The following WHRN variants were observed in gnomAD, a reference collection of about 807,000 sequenced individuals.
WHRN encodes CASK-interacting protein CIP98.
In WHRN, 41 loss-of-function variants were observed where a neutral mutation model predicts 68.3. The ratio of observed to expected loss-of-function variants is 0.60; its 90% CI spans 0.47 to 0.78. The LOEUF is 0.78. Among genes scored for constraint, WHRN ranks in the 30% least tolerant of loss-of-function variants. The pLI is 0.00. For synonymous variants in WHRN, 560 were observed against 561.3 expected (o/e 1.00, Z 0.03); for missense variants, 1,243 against 1,244.7 (o/e 1.00, Z 0.02).
chr9:114,487,038 T>TA (rs1842604765), intron 1 of WHRN, among the ~76,000 whole-genome samples: 1 of 73,946 alleles, frequency 1.4e-5, no homozygotes, highest in Non-Finnish European at 2.9e-5. Flanking sequence ...ACCTGGAACC[T>TA]AGGTAAGAGA....
At chr9:114,440,061 C>T (rs1192333968) in intron 3 of WHRN, among the ~76,000 whole-genome samples, 1 of 152,146 alleles carries the variant, frequency 6.6e-6, no homozygotes, top group African/African-American at 2.4e-5. Context: ...TACAGGCATG[C>T]GCCAACATGC....
At position 114,402,858 on chromosome 9, in the gene WHRN, C is replaced by A. The variant is rs142732176; in HGVS notation, c.2620G>T (p.Gly874Cys). The change falls in exon 12 of 12, where the codon GGC becomes TGC. Residue 874 changes from glycine (G) to cysteine (C), a missense_variant. Gly to Cys is a radical substitution (Grantham distance 159). Transcript: ENST00000362057. ...ILEVNGLTLR[G>C]KEHREAARII... ...CGGGCGGCCTCCCGGTGCTCCTTGC[C>A]CCGAAGCGTCAGCCCATTCACTTCC... 8 of 1,613,938 alleles carry A rather than the reference C, an allele frequency of 5.0e-6. No individual in the cohort carries two copies. In the African/African-American group the frequency reaches 1.1e-4, roughly 22 times the overall value.
chr9:114,492,539 G>C (rs1371514685), intron 1 of WHRN, among the ~76,000 whole-genome samples: 1 of 152,190 alleles, frequency 6.6e-6, no homozygotes, highest in Non-Finnish European at 1.5e-5. Context: ...CAGAATGGCA[G>C]CTTTGGGAAG....
chr9:114,477,831 T>C (rs927268029), intron 2 of WHRN, among the ~76,000 whole-genome samples: 3 of 152,214 alleles, frequency 2.0e-5, no homozygotes, highest in Non-Finnish European at 4.4e-5. Context: ...AGATTCCCTG[T>C]GGAGCAGCAA....
chr9:114,503,220 G>A (rs1472844490), intron 1 of WHRN: 2 of 985,120 alleles, frequency 2.0e-6, no homozygotes, highest in African/African-American at 3.5e-5. Flanking sequence ...ACCTGCGCTG[G>A]CGGGGAGTGG....
chr9:114,498,336 G>A (rs537723241), intron 1 of WHRN, among the ~76,000 whole-genome samples: 1 of 152,312 alleles, frequency 6.6e-6, no homozygotes, highest in African/African-American at 2.4e-5. Context: ...GGATAGAGGA[G>A]TGGGCAGGTA....
At chr9:114,412,345 C>T (rs572702356) in intron 7 of WHRN, among the ~76,000 whole-genome samples, 1 of 152,280 alleles carries the variant, frequency 6.6e-6, no homozygotes, top group African/African-American at 2.4e-5. Flanking sequence ...TCACTTTCAC[C>T]ACCACCCACA....
chr9:114,447,532 T>C (rs902214387), intron 3 of WHRN, among the ~76,000 whole-genome samples: 1 of 152,222 alleles, frequency 6.6e-6, no homozygotes, highest in Admixed American at 6.5e-5. Context: ...TCTGACTTTA[T>C]TACAGTTTGC....
chr9:114,436,456 G>A (rs766358871), intron 3 of WHRN, among the ~76,000 whole-genome samples: 5 of 152,136 alleles, frequency 3.3e-5, no homozygotes, highest in South Asian at 2.1e-4. Context: ...TGTTGGGGAC[G>A]GGTTGGGGCA....
At chr9:114,424,264 G>A (rs1386041937) in intron 6 of WHRN, 70 bp downstream of exon 6, 8 of 1,562,952 alleles carry the variant, frequency 5.1e-6, no homozygotes, top group Non-Finnish European at 7.0e-6. Flanking sequence ...CTCAGCAAAG[G>A]AGCGGGGGCA....
intron 1 of WHRN, among the ~76,000 whole-genome samples, chr9:114,485,615 C>T (rs149811575): frequency 0.011 from 1,698 of 152,208 alleles, 84 homozygotes; most frequent in Admixed American, 0.083. Context: ...TTGCTTGACC[C>T]CAGGAGGCGG....
intron 2 of WHRN, among the ~76,000 whole-genome samples, chr9:114,472,899 G>A (rs1197667031): frequency 2.0e-5 from 3 of 152,176 alleles, no homozygotes; most frequent in African/African-American, 7.2e-5. Flanking sequence ...AATCATGGAT[G>A]CGGAAGCTTA....
chr9:114,426,525 T>C (rs948748367), intron 3 of WHRN, 112 bp from the exon 4 acceptor site: 53 of 1,280,222 alleles, frequency 4.1e-5, no homozygotes, highest in Non-Finnish European at 2.7e-5. Context: ...AAGGAGGTCA[T>C]CCAGGATCAG....
chr9:114,470,534 G>A (rs1413329233), intron 2 of WHRN, among the ~76,000 whole-genome samples: 1 of 152,162 alleles, frequency 6.6e-6, no homozygotes, highest in Non-Finnish European at 1.5e-5. Context: ...TCCTGGAAAC[G>A]GGAAGCAGGA....
Position 114,503,329 on chromosome 9 carries a change from G to C in WHRN, c.618+855C>G, listed in dbSNP as rs533031121. The C allele has an allele frequency of 1.2e-4, 48 of 399,432 alleles. 1 individual carries two copies. The Admixed American group carries it at 3.0e-3, about 25-fold the overall frequency. 24.7% of individuals were successfully genotyped at this position (399,432 alleles called of 1,614,324 possible). On this transcript the variant is annotated intron_variant, in intron 1 of 11. Transcript: ENST00000362057. The stretch of plus-strand genomic sequence containing the variant: ...AACTCTTCACTTCTTGTACGCAAAG[G>C]AGGTCGGGGGAGGGGGGAAGGGGGA...
At chr9:114,441,080 C>G (rs547094217) in intron 3 of WHRN, among the ~76,000 whole-genome samples, 1 of 152,020 alleles carries the variant, frequency 6.6e-6, no homozygotes, top group African/African-American at 2.4e-5. Flanking sequence ...TGTAAACTTA[C>G]GGAATCAATA....
At chr9:114,477,779 G>C (rs909712090) in intron 2 of WHRN, among the ~76,000 whole-genome samples, 1 of 152,184 alleles carries the variant, frequency 6.6e-6, no homozygotes, top group African/African-American at 2.4e-5. Flanking sequence ...AAAATGGCCA[G>C]GGCTGGTTTC....
intron 3 of WHRN, among the ~76,000 whole-genome samples, chr9:114,460,458 T>C (rs1840153971): frequency 6.6e-6 from 1 of 152,258 alleles, no homozygotes; most frequent in Non-Finnish European, 1.5e-5. Flanking sequence ...ATCATTATGA[T>C]TAATTTCAAA....
intron 3 of WHRN, among the ~76,000 whole-genome samples, chr9:114,428,360 C>G (rs959643276): frequency 6.6e-6 from 1 of 152,134 alleles, no homozygotes. Flanking sequence ...TAAAAAGACA[C>G]GCATTTCCAT....
Sources: allele counts gnomAD v4.1 joint callset (sites outside exome capture counted in the v4.1 genomes callset), GRCh38; gene constraint gnomAD v4.1.1; transcripts MANE v1.5; gene names NCBI Gene and HGNC (gene_info 2026-07-23, HGNC 2026-07-21).